The following TMEM272 variants were observed in gnomAD, a reference collection of about 807,000 sequenced individuals.
TMEM272 encodes transmembrane protein 272.
A neutral mutation model predicts 3.7 loss-of-function variants in TMEM272; 8 were observed. The ratio of observed to expected loss-of-function variants is 2.17; its 90% CI spans 1.27 to 3.91. TMEM272 has a LOEUF of 3.91. TMEM272 is among the 30% of genes most tolerant of loss of function. The pLI, the probability that TMEM272 is intolerant of heterozygous loss-of-function variation, is 0.00. For synonymous variants in TMEM272, 63 were observed against 39.8 expected, an observed-to-expected ratio of 1.58 and a Z score of -2.20; for missense variants, 166 against 91.5, an observed-to-expected ratio of 1.81 and a Z score of -3.32.
In TMEM272 at chr13:51,813,510, C is replaced by T. The variant is rs1324798395; in HGVS notation, c.*3241G>A. On this transcript the variant is annotated 3_prime_UTR_variant, in exon 5 of 5. Coordinates refer to ENST00000629372, the MANE Select transcript of TMEM272 (RefSeq NM_001351003.2). ...GTACTGGAAGTGACATTATATTGTC[C>T]TCATGGTGACAACCAGGATGGGCCT... 2.8e-6 allele frequency: 1 copy of T among 362,092 alleles called. No homozygotes were observed. The highest frequency in any genetic ancestry group is 4.9e-6 in the Non-Finnish European group (1 of 203,894). The allele number at this position is 362,092 out of a possible 1,614,324, so 22.4% of individuals were successfully genotyped here. A position where few individuals can be genotyped will look rare whatever the true frequency, so the allele number is the denominator to read the frequency against.
intron 2 of TMEM272, among the ~76,000 whole-genome samples, chr13:51,828,269 G>A (rs978206928): frequency 2.0e-5 from 3 of 151,618 alleles, no homozygotes; most frequent in Non-Finnish European, 2.9e-5. Context: ...GTCCTTTGTG[G>A]TTTTGAATTG....
the TMEM272 span, chr13:51,865,223 T>C: frequency 1.7e-6 from 1 of 585,636 alleles, no homozygotes; most frequent in Non-Finnish European, 2.9e-6. Context: ...AACACCACCA[T>C]GTGGACAAAG....
chr13:51,865,335 C>G, the TMEM272 span: 2 of 1,513,988 alleles, frequency 1.3e-6, no homozygotes, highest in African/African-American at 1.4e-5. Flanking sequence ...CCCACAGGGT[C>G]TGACCAGCCG....
chr13:51,830,759 G>T (rs907947059), intron 2 of TMEM272, among the ~76,000 whole-genome samples: 1 of 152,184 alleles, frequency 6.6e-6, no homozygotes. Flanking sequence ...GAGCAGAGAT[G>T]AGACTGTTCT....
chr13:51,903,048 GT>G, the TMEM272 span, among the ~76,000 whole-genome samples: 10,405 of 152,296 alleles, frequency 0.068, 505 homozygotes, highest in Non-Finnish European at 0.1. Flanking sequence ...TCCACTGGGG[GT>G]GTTGATTATA....
At chr13:51,848,877 T>C (rs1956318795), upstream of TMEM272, among the ~76,000 whole-genome samples, 1 of 152,256 alleles carries the variant, frequency 6.6e-6, no homozygotes. Context: ...ACAAATTAGT[T>C]CTATGTAAAC....
chr13:51,895,865 C>A, the TMEM272 span, among the ~76,000 whole-genome samples: 2 of 152,172 alleles, frequency 1.3e-5, no homozygotes. Flanking sequence ...GATTCCAATA[C>A]ACAACCCCTG....
chr13:51,841,873 C>T (rs538140585), intron 1 of TMEM272, among the ~76,000 whole-genome samples: 4 of 152,284 alleles, frequency 2.6e-5, no homozygotes, highest in South Asian at 2.1e-4. Context: ...AATTCTGTCA[C>T]GCCTTAAAGA....
At chr13:51,857,039 A>T in the TMEM272 span, among the ~76,000 whole-genome samples, 1 of 152,220 alleles carries the variant, frequency 6.6e-6, no homozygotes, top group Non-Finnish European at 1.5e-5. Context: ...ATACTATGAT[A>T]ATACAAATTC....
chr13:51,907,000 T>C, the TMEM272 span, among the ~76,000 whole-genome samples: 3 of 152,248 alleles, frequency 2.0e-5, no homozygotes, highest in Non-Finnish European at 2.9e-5. Context: ...AGCAGGTTGT[T>C]TGCAAAAACA....
the TMEM272 span, among the ~76,000 whole-genome samples, chr13:51,884,280 C>T: frequency 6.6e-6 from 1 of 152,200 alleles, no homozygotes; most frequent in East Asian, 1.9e-4. Flanking sequence ...GTTGATCTTA[C>T]ATTTTCCACA....
At chr13:51,846,592 A>T (rs1317367343), upstream of TMEM272, among the ~76,000 whole-genome samples, 2 of 152,216 alleles carry the variant, frequency 1.3e-5, no homozygotes, top group Non-Finnish European at 2.9e-5. Context: ...AAAAAGGTTA[A>T]CTGTAAAAAT....
chr13:51,821,668 C>CAAAAAAAAAAAAAAAAA (rs386379191), intron 4 of TMEM272, among the ~76,000 whole-genome samples: 1 of 28,534 alleles, frequency 3.5e-5, no homozygotes, highest in African/African-American at 8.9e-5. Context: ...TTTTTTTCCT[C>CAAAAAAAAAAAAAAAAA]AAAAAAAAAA....
chr13:51,878,855 G>A, the TMEM272 span, among the ~76,000 whole-genome samples: 2 of 151,930 alleles, frequency 1.3e-5, no homozygotes, highest in African/African-American at 2.4e-5. Flanking sequence ...TTAATGTTTT[G>A]TTGCATGTGT....
the TMEM272 span, among the ~76,000 whole-genome samples, chr13:51,863,264 T>C: frequency 1.5e-4 from 23 of 152,210 alleles, no homozygotes; most frequent in South Asian, 2.1e-4. Context: ...GGAGTTGGGC[T>C]GCACAAGGCC....
At chr13:51,839,675 A>T (rs1368418529) in intron 1 of TMEM272, among the ~76,000 whole-genome samples, 1 of 152,168 alleles carries the variant, frequency 6.6e-6, no homozygotes, top group Non-Finnish European at 1.5e-5. Context: ...GTGATGGGGA[A>T]GATTTGTGGT....
At chr13:51,918,571 A>G in the TMEM272 span, among the ~76,000 whole-genome samples, 1 of 152,190 alleles carries the variant, frequency 6.6e-6, no homozygotes, top group Non-Finnish European at 1.5e-5. Flanking sequence ...TAGTCTCTGT[A>G]TTTCTACATA....
At chr13:51,916,160 C>T in the TMEM272 span, among the ~76,000 whole-genome samples, 1 of 152,158 alleles carries the variant, frequency 6.6e-6, no homozygotes, top group African/African-American at 2.4e-5. Flanking sequence ...CTATCTAAAC[C>T]AATTACAAGT....
At chr13:51,875,297 C>T in the TMEM272 span, among the ~76,000 whole-genome samples, 1 of 152,166 alleles carries the variant, frequency 6.6e-6, no homozygotes, top group Non-Finnish European at 1.5e-5. Context: ...GGGATTTGGA[C>T]CCAGGCTGTT....
Sources: gnomAD v4.1 joint callset for allele counts (sites outside exome capture counted in the v4.1 genomes callset) on GRCh38, gnomAD v4.1.1 for gene constraint, MANE v1.5 for transcripts, NCBI Gene and HGNC (gene_info 2026-07-23, HGNC 2026-07-21) for gene names.